WDPCP: variants seen among roughly 807,000 people sequenced by gnomAD.
WDPCP encodes WD repeat containing planar cell polarity effector.
A neutral mutation model predicts 93.1 loss-of-function variants in WDPCP; 71 were observed. That is an observed-to-expected ratio of 0.76 (90% CI 0.63 to 0.93). The LOEUF (loss-of-function observed/expected upper bound fraction) is 0.93, where lower values mean the gene tolerates loss of function less well. WDPCP is among the 40% of genes least tolerant of loss of function. The pLI, the probability that WDPCP is intolerant of heterozygous loss-of-function variation, is 0.00. For missense variants in WDPCP, 844 were observed against 887.4 expected (o/e 0.95, Z 0.62); for synonymous variants, 315 against 315.0 (o/e 1.00, Z 0.00).
intron 1 of WDPCP, among the ~76,000 whole-genome samples, chr2:63,498,126 T>C (rs1701338652): frequency 6.6e-6 from 1 of 152,162 alleles, no homozygotes; most frequent in Non-Finnish European, 1.5e-5. Flanking sequence ...AAAAGAATTA[T>C]CCAAATGAAA....
At chr2:63,183,863 C>T (rs1674430588) in intron 14 of WDPCP, among the ~76,000 whole-genome samples, 2 of 152,076 alleles carry the variant, frequency 1.3e-5, no homozygotes, top group African/African-American at 4.8e-5. Flanking sequence ...GATCCCTTTA[C>T]ATTATATAAT....
chr2:63,408,896 C>T (rs1694807869), intron 9 of WDPCP, among the ~76,000 whole-genome samples: 2 of 152,114 alleles, frequency 1.3e-5, no homozygotes, highest in Non-Finnish European at 2.9e-5. Context: ...ACAGCAACAC[C>T]CACCCAAGGA....
intron 10 of WDPCP, among the ~76,000 whole-genome samples, chr2:63,403,441 T>G (rs911023412): frequency 6.6e-6 from 1 of 152,046 alleles, no homozygotes; most frequent in Non-Finnish European, 1.5e-5. Flanking sequence ...AAAAAAATTC[T>G]CTTGGTTGAA....
At chr2:63,234,025 T>C (rs1679159418) in intron 14 of WDPCP, among the ~76,000 whole-genome samples, 1 of 152,192 alleles carries the variant, frequency 6.6e-6, no homozygotes, top group Non-Finnish European at 1.5e-5. Flanking sequence ...CTCAGCATCA[T>C]AATTTTTACT....
At chr2:63,811,131 G>A (rs765745744) in intron 2 of WDPCP, among the ~76,000 whole-genome samples, 2 of 152,168 alleles carry the variant, frequency 1.3e-5, no homozygotes, top group African/African-American at 2.4e-5. Flanking sequence ...CTCATGAAGC[G>A]GAACCCAAGG....
chr2:63,581,182 A>G (rs1229412600), intron 1 of WDPCP, among the ~76,000 whole-genome samples: 4 of 152,224 alleles, frequency 2.6e-5, no homozygotes, highest in Admixed American at 2.0e-4. Context: ...TCCATAAGAC[A>G]TATTTCCATA....
At chr2:63,155,000 A>C (rs1672138998) in intron 15 of WDPCP, among the ~76,000 whole-genome samples, 1 of 152,104 alleles carries the variant, frequency 6.6e-6, no homozygotes, top group South Asian at 2.1e-4. Flanking sequence ...TTGTTTTCTT[A>C]CTGTTGAGCT....
At chr2:63,722,238 A>T (rs954159633) in intron 2 of WDPCP, among the ~76,000 whole-genome samples, 10 of 147,516 alleles carry the variant, frequency 6.8e-5, no homozygotes, top group South Asian at 2.2e-4. Context: ...CAGTCTGGAA[A>T]GTGAGGAGCG....
At chr2:63,404,757 C>T (rs752524083) in intron 9 of WDPCP, 100 bp from the exon 10 acceptor site, 3 of 1,408,326 alleles carry the variant, frequency 2.1e-6, no homozygotes, top group Non-Finnish European at 3.0e-6. Context: ...TAAAGAAAAT[C>T]AATTACTATC....
At chr2:63,353,933 C>A (rs1278521098) in intron 12 of WDPCP, among the ~76,000 whole-genome samples, 2 of 152,268 alleles carry the variant, frequency 1.3e-5, no homozygotes, top group East Asian at 3.9e-4. Flanking sequence ...CCTCACTGGG[C>A]AGGTCCTCCA....
At chr2:63,395,117 C>T (rs1693607640) in intron 10 of WDPCP, among the ~76,000 whole-genome samples, 1 of 152,074 alleles carries the variant, frequency 6.6e-6, no homozygotes, top group Non-Finnish European at 1.5e-5. Context: ...TACATACTAA[C>T]GTTGAAGATT....
At chr2:63,514,302 GA>G (rs1013135835) in intron 1 of WDPCP, among the ~76,000 whole-genome samples, 56 of 152,114 alleles carry the variant, frequency 3.7e-4, no homozygotes, top group African/African-American at 1.3e-3. Flanking sequence ...GAACACATTA[GA>G]AGATGGGAAT....
intron 15 of WDPCP, among the ~76,000 whole-genome samples, chr2:63,166,128 G>A (rs1343280536): frequency 6.6e-6 from 1 of 151,596 alleles, no homozygotes; most frequent in Non-Finnish European, 1.5e-5. Flanking sequence ...GTGCAATGAC[G>A]CAGTCTAGCC....
At chr2:63,391,003 C>G (rs538152135) in intron 10 of WDPCP, among the ~76,000 whole-genome samples, 16 of 152,180 alleles carry the variant, frequency 1.1e-4, no homozygotes, top group African/African-American at 3.6e-4. Context: ...CTATTCCAAT[C>G]AATAGAAAAA....
At chr2:63,152,819 AATAG>A (rs1201702712) in intron 17 of WDPCP, 91 bp downstream of exon 17, 22 of 1,173,246 alleles carry the variant, frequency 1.9e-5, no homozygotes, top group Non-Finnish European at 1.8e-5. Context: ...AATGTAGACC[AATAG>A]ATAGCATTTC....
chr2:63,288,561 CA>C (rs1684180702), intron 13 of WDPCP, among the ~76,000 whole-genome samples: 1 of 152,160 alleles, frequency 6.6e-6, no homozygotes, highest in African/African-American at 2.4e-5. Flanking sequence ...AAGTACAGTA[CA>C]AAGATCACTT....
chr2:63,155,333 T>A (rs1574747383), intron 15 of WDPCP, among the ~76,000 whole-genome samples: 1 of 152,338 alleles, frequency 6.6e-6, no homozygotes, highest in East Asian at 1.9e-4. Flanking sequence ...TGAGATTCTT[T>A]GTGTGTCTGT....
At chr2:63,519,014 T>C (rs1702741491) in intron 1 of WDPCP, 1 of 151,306 alleles carries the variant, frequency 6.6e-6, no homozygotes, top group African/African-American at 2.4e-5. Flanking sequence ...ATGGTACACA[T>C]GCACCCACTG....
At chr2:63,475,541 C>A (rs1403619399) in intron 6 of WDPCP, among the ~76,000 whole-genome samples, 1 of 151,966 alleles carries the variant, frequency 6.6e-6, no homozygotes, top group Non-Finnish European at 1.5e-5. Context: ...TTTCAAATTT[C>A]CATCTAATAT....
Sources: allele counts gnomAD v4.1 joint callset (sites outside exome capture counted in the v4.1 genomes callset), GRCh38; gene constraint gnomAD v4.1.1; transcripts MANE v1.5; gene names NCBI Gene and HGNC (gene_info 2026-07-23, HGNC 2026-07-21).